Variants in ANLN observed in about 807,000 individuals in gnomAD.
ANLN encodes anillin.
In ANLN, 59 loss-of-function variants were observed where a neutral mutation model predicts 135.1. The observed-to-expected ratio is 0.44, with a 90% confidence interval of 0.35 to 0.54. ANLN has a LOEUF of 0.54. ANLN is among the 20% of genes least tolerant of loss of function. The pLI, the probability that ANLN is intolerant of heterozygous loss-of-function variation, is 0.00. For synonymous variants in ANLN, 406 were observed against 456.4 expected, an observed-to-expected ratio of 0.89 and a Z score of 1.41; for missense variants, 1,182 against 1,340.0, an observed-to-expected ratio of 0.88 and a Z score of 1.84.
intron 1 of ANLN, among the ~76,000 whole-genome samples, chr7:36,392,511 T>TG (rs1385549533): frequency 7.9e-5 from 4 of 50,890 alleles, no homozygotes; most frequent in African/African-American, 1.6e-4. Context: ...GTTATTGCAG[T>TG]GGTTTTTTTT....
At chr7:36,431,681 C>G (rs1036272591) in intron 20 of ANLN, among the ~76,000 whole-genome samples, 3 of 146,054 alleles carry the variant, frequency 2.1e-5, no homozygotes, top group East Asian at 4.1e-4. Flanking sequence ...TGGAACCAAT[C>G]CAGGCCTTGT....
At chr7:36,443,914 A>T in intron 22 of ANLN, 52 bp downstream of exon 22, 3 of 1,290,080 alleles carry the variant, frequency 2.3e-6, no homozygotes, top group Non-Finnish European at 3.3e-6. Flanking sequence ...ACTTTCGTGT[A>T]GTGTTCATGC....
Position 36,443,836 on chromosome 7 carries a change from A to G in ANLN, c.3052A>G (p.Thr1018Ala), listed in dbSNP as rs762797988. 1.9e-6 allele frequency: 3 copies of G among 1,610,632 alleles called. No homozygotes were observed. The East Asian group carries it at 6.7e-5, about 36-fold the overall frequency. The stretch of plus-strand genomic sequence containing the variant: ...TTCTGGAAACTGTATATCTTATTGG[A>G]CTTATCCAGATGATGAGAAACGCAA... Reference protein sequence around the residue: ...VLSGNCISYWTYPDDEKRKNP... With the variant: ...VLSGNCISYWAYPDDEKRKNP... Residue 1018 changes from threonine (T) to alanine (A), a missense_variant, in exon 22 of 24, where the codon ACT (threonine) becomes GCT (alanine). By Grantham distance (58) the Thr-to-Ala change is moderately conservative. This residue lies in a region of ANLN where 82 missense variants were observed against 133.3 expected (regional missense o/e 0.62). Coordinates refer to ENST00000265748, the MANE Select transcript of ANLN (RefSeq NM_018685.5).
At chr7:36,420,935 G>A (rs1730692353) in intron 12 of ANLN, among the ~76,000 whole-genome samples, 191 bp downstream of exon 12, 1 of 152,148 alleles carries the variant, frequency 6.6e-6, no homozygotes, top group South Asian at 2.1e-4. Flanking sequence ...TGAAAACTTG[G>A]AAACTCATTT....
At position 36,406,390 on chromosome 7, in the gene ANLN, G is replaced by A. The variant is rs202225666; in HGVS notation, c.697G>A (p.Ala233Thr). ...CAGTGTACAAGAACAGCCTGGTACC[G>A]CTTGTTTATCCAAATTTTCCTCTGC... The part of the protein sequence containing the change: ...QNSVQEQPGT[A>T]CLSKFSSASG... Residue 233 changes from alanine (A) to threonine (T), a missense_variant, in exon 4 of 24, where the codon GCT becomes ACT. Physicochemically the swap from Ala to Thr is moderately conservative, Grantham distance 58. Transcript: ENST00000265748. The A allele has an allele frequency of 3.4e-5, 55 of 1,613,138 alleles. No homozygotes were observed. The highest frequency in any genetic ancestry group is 4.5e-5 in the East Asian group (2 of 44,872).
At chr7:36,412,000 G>A (rs1787432928) in intron 7 of ANLN, among the ~76,000 whole-genome samples, 1 of 152,080 alleles carries the variant, frequency 6.6e-6, no homozygotes, top group Non-Finnish European at 1.5e-5. Flanking sequence ...CTTTGCTGTA[G>A]TATCTTCCCC....
In ANLN at chr7:36,426,847, G is replaced by GT. The variant is rs538788586; in HGVS notation, c.2771-68dup. 8,486 of 862,766 alleles carry GT rather than the reference G, an allele frequency of 9.8e-3. 65 individuals are homozygous for GT. The highest frequency in any genetic ancestry group is 0.013 in the Non-Finnish European group (7,335 of 574,468). The allele number at this position is 862,766 out of a possible 1,614,324, so 53.4% of individuals were successfully genotyped here. On this transcript the variant is annotated intron_variant, in intron 19 of 23. Transcript: ENST00000265748. ...CTTAATTTTCTTCTACTGGGATGGG[G>GT]TGAGGAATTGTTACTTATACTTAAC...
At chr7:36,429,512 C>T (rs1016539664) in intron 20 of ANLN, among the ~76,000 whole-genome samples, 4 of 152,158 alleles carry the variant, frequency 2.6e-5, no homozygotes, top group South Asian at 2.1e-4. Context: ...TGAGCCACTG[C>T]GCCCATCTAA....
chr7:36,450,615 A>T (rs868327609), intron 23 of ANLN, among the ~76,000 whole-genome samples: 2 of 152,186 alleles, frequency 1.3e-5, no homozygotes, highest in Admixed American at 6.5e-5. Context: ...AAATAGCTAG[A>T]TAGAGGACTC....
chr7:36,429,700 T>C (rs1348504186), intron 20 of ANLN, among the ~76,000 whole-genome samples: 1 of 152,196 alleles, frequency 6.6e-6, no homozygotes, highest in Non-Finnish European at 1.5e-5. Context: ...CTCAGTATTG[T>C]CACATAGCCA....
intron 20 of ANLN, among the ~76,000 whole-genome samples, chr7:36,430,286 A>T (rs1788261251): frequency 1.3e-5 from 2 of 152,220 alleles, no homozygotes. Context: ...CACAGAGGTT[A>T]TCTGTGAGGT....
At chr7:36,425,062 G>C (rs1423364503) in intron 17 of ANLN, among the ~76,000 whole-genome samples, 1 of 151,990 alleles carries the variant, frequency 6.6e-6, no homozygotes, top group Admixed American at 6.6e-5. Flanking sequence ...CTCTATACCA[G>C]TACTTAATAA....
At chr7:36,421,812 G>T (rs1583626698) in intron 12 of ANLN, 45 bp from the exon 13 acceptor site, 1 of 1,505,328 alleles carries the variant, frequency 6.6e-7, no homozygotes, top group South Asian at 1.3e-5. Flanking sequence ...TGAAAATGAT[G>T]ATTTAAAATG....
At position 36,436,001 on chromosome 7, in the gene ANLN, A is replaced by G. The variant is rs200841374; in HGVS notation, c.2884-3203A>G. ...TAACCAAAGTAACAATTTTAAGGTA[A>G]ACTATTCAGTGGCATTTAGTACATT... On this transcript the variant is annotated intron_variant, in intron 20 of 23. Transcript: ENST00000265748. Among the ~76,000 whole-genome samples, 6 of 152,118 alleles carry G rather than the reference A, an allele frequency of 3.9e-5. No individual in the cohort carries two copies. In the East Asian group the frequency reaches 7.7e-4, roughly 20 times the overall value.
At chr7:36,409,384 G>A (rs1028295989) in intron 5 of ANLN, among the ~76,000 whole-genome samples, 1 of 151,994 alleles carries the variant, frequency 6.6e-6, no homozygotes, top group Non-Finnish European at 1.5e-5. Context: ...TTTTATTGGA[G>A]CACAGCCACA....
At chr7:36,443,013 T>C (rs1788840104) in intron 21 of ANLN, among the ~76,000 whole-genome samples, 1 of 151,826 alleles carries the variant, frequency 6.6e-6, no homozygotes, top group South Asian at 2.1e-4. Context: ...AACTAAAAAA[T>C]AGTGGGGGAA....
intron 10 of ANLN, 122 bp downstream of exon 10, chr7:36,419,601 G>C (rs1290721783): frequency 2.7e-6 from 2 of 749,064 alleles, no homozygotes; most frequent in Admixed American, 5.6e-5. Flanking sequence ...TTGCAGACCT[G>C]TTGTCTGTTC....
chr7:36,390,833 G>A (rs1786418169), intron 1 of ANLN, among the ~76,000 whole-genome samples: 1 of 123,668 alleles, frequency 8.1e-6, no homozygotes, highest in South Asian at 2.2e-4. Flanking sequence ...TGGAGAATGT[G>A]CGTTGTCACA....
At chr7:36,440,147 G>T (rs987217689) in intron 21 of ANLN, among the ~76,000 whole-genome samples, 2 of 152,188 alleles carry the variant, frequency 1.3e-5, no homozygotes, top group Non-Finnish European at 2.9e-5. Flanking sequence ...CAGACATTTA[G>T]TAGAGGTAAA....
Sources: gnomAD v4.1 joint callset for allele counts (sites outside exome capture counted in the v4.1 genomes callset) on GRCh38, gnomAD v4.1.1 for gene constraint, gnomAD v4.1.1 regional missense constraint, MANE v1.5 for transcripts, NCBI Gene and HGNC (gene_info 2026-07-23, HGNC 2026-07-21) for gene names.